The following SYCE1 variants were observed in gnomAD, a reference collection of about 807,000 sequenced individuals.
The protein encoded by SYCE1 is cancer/testis antigen 76.
In SYCE1, 37 loss-of-function variants were observed where a neutral mutation model predicts 55.1. The observed-to-expected ratio is 0.67, with a 90% CI of 0.52 to 0.88. The LOEUF is 0.88. SYCE1 is among the 40% of genes least tolerant of loss of function. The probability of loss-of-function intolerance (pLI) is 0.00; values close to 1 mark genes in which losing one functional copy is unlikely to be tolerated. For missense variants in SYCE1, 399 were observed against 416.4 expected, an observed-to-expected ratio of 0.96 and a Z score of 0.36; for synonymous variants, 163 against 159.4, an observed-to-expected ratio of 1.02 and a Z score of -0.17.
At chr10:133,554,476 GTTGA>G, downstream of SYCE1, 1 of 764,792 alleles carries the variant, frequency 1.3e-6, no homozygotes, top group East Asian at 2.5e-5. Flanking sequence ...TTACATCCTA[GTTGA>G]TTGACTCCCT....
At chr10:133,555,510 A>T (rs1851643102) in intron 11 of SYCE1, 72 bp from the exon 12 acceptor site, 1 of 1,609,972 alleles carries the variant, frequency 6.2e-7, no homozygotes, top group African/African-American at 1.3e-5. Context: ...GGTTTTCAAG[A>T]GTCAGAGAGA....
rs1409035560 is a variant in SYCE1, at chr10:133,560,075, A to G, written c.136+16T>C. ...CCAAACCTCAGGCTGTGCCTCACAC[A>G]AAGGAGACACACGACCTTTCTGCAG... On this transcript the variant is annotated intron_variant, in intron 2 of 12. Transcript: ENST00000343131. 2.5e-6 allele frequency: 4 copies of G among 1,612,540 alleles called. No homozygotes were observed. The highest frequency in any genetic ancestry group is 1.3e-5 in the African/African-American group (1 of 74,872).
downstream of SYCE1, chr10:133,554,267 T>C (rs747259286): frequency 1.5e-5 from 24 of 1,612,352 alleles, no homozygotes; most frequent in Non-Finnish European, 2.0e-5. Context: ...ATGGAAACAG[T>C]GCTCTGCAGT....
At chr10:133,557,995 T>C (rs906696218) in intron 5 of SYCE1, 77 bp from the exon 6 acceptor site, 9 of 1,571,770 alleles carry the variant, frequency 5.7e-6, no homozygotes, top group East Asian at 2.2e-5. Context: ...AGCCAGATCA[T>C]GTCAGGTCTG....
At chr10:133,554,640 T>C (rs770490676), downstream of SYCE1, 1 of 726,470 alleles carries the variant, frequency 1.4e-6, no homozygotes, top group Non-Finnish European at 2.5e-6. Flanking sequence ...TCCTCATTTT[T>C]AATTTTTTTT....
upstream of SYCE1, chr10:133,568,006 CA>C: frequency 1.7e-6 from 1 of 600,070 alleles, no homozygotes; most frequent in Non-Finnish European, 3.1e-6. Context: ...AGACTGTGGG[CA>C]AGGGAGGAAG....
chr10:133,554,602 C>A (rs757162488), downstream of SYCE1: 1 of 693,380 alleles, frequency 1.4e-6, no homozygotes, highest in Non-Finnish European at 2.6e-6. Flanking sequence ...CATATGGAAC[C>A]GACTGATTTT....
intron 4 of SYCE1, 150 bp downstream of exon 4, chr10:133,558,727 G>A: frequency 1.3e-6 from 1 of 756,522 alleles, no homozygotes; most frequent in Non-Finnish European, 2.2e-6. Context: ...ACTCCCACAA[G>A]CAGAGAGGAG....
Position 133,556,222 on chromosome 10 carries a change from C to T in SYCE1, c.529-175G>A, listed in dbSNP as rs796217621. On this transcript the variant is annotated intron_variant, in intron 8 of 12. Transcript: ENST00000343131. ...GGGCCATGGCACTGGCCATTCCCTC[C>T]CTGTGCACTTCTGTCATCCCACATC... The T allele has an allele frequency of 1.3e-4, 85 of 666,832 alleles. No homozygotes were observed. In the African/African-American group the frequency reaches 1.4e-3, roughly 11 times the overall value. 41.3% of individuals were successfully genotyped at this position (666,832 alleles called of 1,614,324 possible).
intron 5 of SYCE1, 73 bp downstream of exon 5, chr10:133,558,094 A>G (rs1851731979): frequency 1.3e-6 from 2 of 1,597,390 alleles, no homozygotes; most frequent in African/African-American, 2.7e-5. Context: ...AAAAGGCTTC[A>G]GCTGCCATAG....
intron 1 of SYCE1, among the ~76,000 whole-genome samples, chr10:133,562,261 ATG>A (rs59050384): frequency 0.012 from 1,709 of 142,788 alleles, 13 homozygotes; most frequent in African/African-American, 0.037. Context: ...CTAACATCCA[ATG>A]TGTGTGTGTG....
intron 2 of SYCE1, 108 bp from the exon 3 acceptor site, chr10:133,559,468 T>C (rs1851769074): frequency 6.4e-6 from 7 of 1,090,178 alleles, no homozygotes; most frequent in Non-Finnish European, 8.3e-6. Context: ...GAGTACCTCC[T>C]GCAAGCAGGT....
intron 1 of SYCE1, chr10:133,560,716 A>C (rs1173492930): frequency 6.6e-6 from 1 of 152,214 alleles, no homozygotes; most frequent in Non-Finnish European, 1.5e-5. Flanking sequence ...TAGTAGATCT[A>C]AGAAATTACT....
downstream of SYCE1, chr10:133,554,202 C>A (rs768946980): frequency 1.5e-5 from 18 of 1,229,324 alleles, no homozygotes; most frequent in Non-Finnish European, 2.1e-5. Flanking sequence ...TTAGAGAACT[C>A]GTCTGTCCTG....
chr10:133,564,590 T>C (rs1467349146), intron 1 of SYCE1, among the ~76,000 whole-genome samples: 1 of 152,164 alleles, frequency 6.6e-6, no homozygotes, highest in Non-Finnish European at 1.5e-5. Flanking sequence ...CTTGTTTCAG[T>C]ATTCAAACCT....
intron 8 of SYCE1, chr10:133,556,519 A>G (rs976642117): frequency 1.5e-5 from 9 of 584,606 alleles, no homozygotes; most frequent in Admixed American, 8.8e-5. Flanking sequence ...TGATGGTCCC[A>G]GACACATCCA....
intron 3 of SYCE1, 87 bp from the exon 4 acceptor site, chr10:133,559,038 T>C (rs1851758946): frequency 1.5e-6 from 2 of 1,374,072 alleles, no homozygotes; most frequent in African/African-American, 1.5e-5. Context: ...TTCAGGTAAA[T>C]CTATAGTGGC....
In SYCE1 at chr10:133,554,880, A is replaced by C; in HGVS notation, c.*112T>G. On this transcript the variant is annotated 3_prime_UTR_variant, in exon 13 of 13. Transcript: ENST00000343131. ...AGGAAGCATTTATTGAAAACCTGTG[A>C]TGTACCTCTGGCCCAGACCAAGAGG... 2 of 1,458,066 alleles carry C rather than the reference A, an allele frequency of 1.4e-6. No individual in the cohort carries two copies. The highest frequency in any genetic ancestry group is 1.8e-6 in the Non-Finnish European group (2 of 1,104,904). The allele number at this position is 1,458,066 out of a possible 1,614,324, so 90.3% of individuals were successfully genotyped here.
At chr10:133,561,716 C>T (rs567527310) in intron 1 of SYCE1, among the ~76,000 whole-genome samples, 10 of 152,224 alleles carry the variant, frequency 6.6e-5, no homozygotes, top group African/African-American at 2.4e-4. Context: ...GTCCAGTAAC[C>T]ATACAAGTTG....
Sources: gnomAD v4.1 joint callset for allele counts (sites outside exome capture counted in the v4.1 genomes callset) on GRCh38, gnomAD v4.1.1 for gene constraint, MANE v1.5 for transcripts, NCBI Gene and HGNC (gene_info 2026-07-23, HGNC 2026-07-21) for gene names.